ACBD6: variants seen among roughly 807,000 people sequenced by gnomAD.
The protein encoded by ACBD6 is acyl-CoA-binding domain-containing protein 6.
A neutral mutation model predicts 37.2 loss-of-function variants in ACBD6; 28 were observed. The ratio of observed to expected loss-of-function variants is 0.75; its 90% CI spans 0.56 to 1.03. The LOEUF (loss-of-function observed/expected upper bound fraction) is 1.03, where lower values mean the gene tolerates loss of function less well. Ranked by LOEUF, ACBD6 falls within the 50% of genes least tolerant of loss-of-function variation. The pLI is 0.00. For missense variants in ACBD6, 340 were observed against 337.4 expected (o/e 1.01, Z -0.06); for synonymous variants, 113 against 126.8 (o/e 0.89, Z 0.73).
chr1:180,297,878 T>C lies in ACBD6; in HGVS notation c.695-9361A>G, dbSNP rs796686724. ...GCCTCAGCCTTCTGAGTAGCTGGGA[T>C]TACAGGTGCCCACCACCAAGCACAG... is the stretch of plus-strand genomic sequence containing the variant. On this transcript the variant is annotated intron_variant, in intron 7 of 7. Transcript: ENST00000367595. Among the ~76,000 whole-genome samples the C allele has an allele frequency of 3.9e-5, 6 of 152,250 alleles. No individual in the cohort carries two copies. The East Asian group carries it at 5.8e-4, about 15-fold the overall frequency.
Position 180,397,499 on chromosome 1 carries a change from T to G in ACBD6, c.663+17A>C, listed in dbSNP as rs771891158. ...ACTTCAATTTAAAAAATAAAAGCTCTTCTTTATCACTCTTACCTGACAGTT... is the reference window on the plus strand; with the variant it reads ...ACTTCAATTTAAAAAATAAAAGCTCGTCTTTATCACTCTTACCTGACAGTT... On this transcript the variant is annotated intron_variant, in intron 6 of 7. Coordinates refer to ENST00000367595, the MANE Select transcript of ACBD6 (RefSeq NM_032360.4). 1.2e-6 allele frequency: 2 copies of G among 1,602,674 alleles called. No individual in the cohort carries two copies. The highest frequency in any genetic ancestry group is 1.7e-6 in the Non-Finnish European group (2 of 1,169,510).
At chr1:180,413,816 C>A (rs1647964263) in intron 4 of ACBD6, among the ~76,000 whole-genome samples, 1 of 152,042 alleles carries the variant, frequency 6.6e-6, no homozygotes, top group Non-Finnish European at 1.5e-5. Context: ...GAATCAAAGA[C>A]TAGAAAGAAA....
downstream of ACBD6, among the ~76,000 whole-genome samples, chr1:180,285,747 A>G (rs1649476853): frequency 6.6e-6 from 1 of 152,144 alleles, no homozygotes; most frequent in Non-Finnish European, 1.5e-5. Context: ...GGAAGCTAAG[A>G]AATACCTATT....
chr1:180,344,754 C>T (rs1652111774), intron 6 of ACBD6, among the ~76,000 whole-genome samples: 1 of 152,168 alleles, frequency 6.6e-6, no homozygotes, highest in South Asian at 2.1e-4. Flanking sequence ...TGCCTAAGGT[C>T]CCAGGCCCTT....
rs1653510179 is a variant in ACBD6, at chr1:180,378,160, C to T, written c.663+19356G>A. ...GTAATCAGACATAATATTATGAATC[C>T]CTTAATATGATGCACTAAGAAGGGC... On this transcript the variant is annotated intron_variant, in intron 6 of 7. Coordinates refer to ENST00000367595, the MANE Select transcript of ACBD6 (RefSeq NM_032360.4). Among the ~76,000 whole-genome samples, 4 of 152,012 alleles carry T rather than the reference C, an allele frequency of 2.6e-5. No individual in the cohort carries two copies. In the South Asian group the frequency reaches 8.3e-4, roughly 32 times the overall value.
At chr1:180,463,254 C>T (rs982979571) in intron 3 of ACBD6, among the ~76,000 whole-genome samples, 2 of 151,936 alleles carry the variant, frequency 1.3e-5, no homozygotes, top group Non-Finnish European at 2.9e-5. Flanking sequence ...AGACATAAAA[C>T]TCATTCAAAA....
At chr1:180,460,874 G>A (rs1450232167) in intron 3 of ACBD6, among the ~76,000 whole-genome samples, 2 of 152,204 alleles carry the variant, frequency 1.3e-5, no homozygotes, top group African/African-American at 4.8e-5. Context: ...GCTCCAGCAA[G>A]GGTTCGGACT....
At chr1:180,321,636 T>A (rs577100612) in intron 6 of ACBD6, among the ~76,000 whole-genome samples, 1 of 152,112 alleles carries the variant, frequency 6.6e-6, no homozygotes, top group Admixed American at 6.5e-5. Flanking sequence ...CCACTGCACT[T>A]CAGCCTGGGT....
At chr1:180,293,294 ATTTTTT>A (rs58030337) in intron 7 of ACBD6, among the ~76,000 whole-genome samples, 13 of 109,762 alleles carry the variant, frequency 1.2e-4, no homozygotes, top group Non-Finnish European at 2.3e-4. Flanking sequence ...TGTGTGTAGA[ATTTTTT>A]TTTTTTTTTT....
chr1:180,461,138 A>G (rs907137888), intron 3 of ACBD6, among the ~76,000 whole-genome samples: 2 of 152,244 alleles, frequency 1.3e-5, no homozygotes, highest in African/African-American at 4.8e-5. Flanking sequence ...GACCAAGTGG[A>G]GGAAACAATT....
intron 6 of ACBD6, among the ~76,000 whole-genome samples, chr1:180,329,812 T>A (rs1205634376): frequency 6.6e-6 from 1 of 152,194 alleles, no homozygotes; most frequent in Non-Finnish European, 1.5e-5. Context: ...CCAGTTGCCA[T>A]CAGTGTCACC....
At chr1:180,301,330 C>T (rs1650121270) in intron 7 of ACBD6, among the ~76,000 whole-genome samples, 2 of 152,154 alleles carry the variant, frequency 1.3e-5, no homozygotes, top group African/African-American at 4.8e-5. Context: ...GCTGACTCTC[C>T]AAAAACTTAA....
intron 3 of ACBD6, among the ~76,000 whole-genome samples, chr1:180,462,140 G>A (rs566348976): frequency 2.0e-5 from 3 of 152,170 alleles, no homozygotes; most frequent in Non-Finnish European, 4.4e-5. Flanking sequence ...GGGAGGCTGA[G>A]GCAGGAGAAT....
At chr1:180,327,308 A>G (rs906325171) in intron 6 of ACBD6, among the ~76,000 whole-genome samples, 1 of 152,140 alleles carries the variant, frequency 6.6e-6, no homozygotes, top group Non-Finnish European at 1.5e-5. Context: ...GGCAGTACTG[A>G]GTTCAATGCC....
At chr1:180,333,370 G>C (rs1651563063) in intron 6 of ACBD6, among the ~76,000 whole-genome samples, 1 of 152,128 alleles carries the variant, frequency 6.6e-6, no homozygotes, top group South Asian at 2.1e-4. Flanking sequence ...AAGTGATATA[G>C]CTTTTGAAAT....
intron 3 of ACBD6, among the ~76,000 whole-genome samples, chr1:180,480,567 A>G (rs957329483): frequency 3.3e-5 from 5 of 152,362 alleles, no homozygotes; most frequent in African/African-American, 9.6e-5. Flanking sequence ...AGACCTGTTG[A>G]GTCTGAAGTG....
intron 3 of ACBD6, among the ~76,000 whole-genome samples, chr1:180,445,795 T>A (rs1031872774): frequency 2.0e-5 from 3 of 152,036 alleles, no homozygotes; most frequent in Non-Finnish European, 4.4e-5. Context: ...GAAATATAAG[T>A]AAATATTTAT....
intron 6 of ACBD6, among the ~76,000 whole-genome samples, chr1:180,369,938 A>G (rs1436806739): frequency 6.6e-6 from 1 of 152,246 alleles, no homozygotes; most frequent in Non-Finnish European, 1.5e-5. Context: ...ATTCAAATAA[A>G]CTTAAGACTG....
intron 6 of ACBD6, among the ~76,000 whole-genome samples, chr1:180,362,616 T>C (rs1652892054): frequency 6.6e-6 from 1 of 152,206 alleles, no homozygotes; most frequent in Non-Finnish European, 1.5e-5. Flanking sequence ...CTATCCTTCA[T>C]ACATAGAGAG....
Sources: allele counts gnomAD v4.1 joint callset (sites outside exome capture counted in the v4.1 genomes callset), GRCh38; gene constraint gnomAD v4.1.1; transcripts MANE v1.5; gene names NCBI Gene and HGNC (gene_info 2026-07-23, HGNC 2026-07-21).